C9orf78: variants seen among roughly 807,000 people sequenced by gnomAD.
C9orf78 encodes splicing factor C9orf78.
Under a neutral mutation model 37.4 loss-of-function variants are expected in C9orf78, and 19 were observed. The ratio of observed to expected loss-of-function variants is 0.51; its 90% CI spans 0.35 to 0.74. The LOEUF (loss-of-function observed/expected upper bound fraction) is 0.74, where lower values mean the gene tolerates loss of function less well. Among genes scored for constraint, C9orf78 ranks in the 30% least tolerant of loss-of-function variants. The probability of loss-of-function intolerance (pLI) is 0.01; values close to 1 mark genes in which losing one functional copy is unlikely to be tolerated. For missense variants in C9orf78, 291 were observed against 370.8 expected (o/e 0.78, Z 1.77); for synonymous variants, 130 against 128.0 (o/e 1.02, Z -0.10).
At chr9:129,830,639 A>C (rs1371084799) in intron 6 of C9orf78, 3 of 482,432 alleles carry the variant, frequency 6.2e-6, no homozygotes, top group African/African-American at 5.9e-5. Flanking sequence ...CAGCCTCCCA[A>C]GTAGCTGGAC....
chr9:129,834,826 G>T, intron 1 of C9orf78, 60 bp from the exon 2 acceptor site: 2 of 1,345,326 alleles, frequency 1.5e-6, no homozygotes, highest in Non-Finnish European at 2.1e-6. Context: ...GGAATCCAAA[G>T]CTAACAGAGC....
chr9:129,829,164 C>A lies in C9orf78; in HGVS notation c.778+41G>T, dbSNP rs532995748. On this transcript the variant is annotated intron_variant, in intron 8 of 8. Coordinates refer to ENST00000372447, the MANE Select transcript of C9orf78 (RefSeq NM_016520.3). ...CCTGCCTCCATGGGTTCCCACATTGCTGAGCACTCCAGGCAGCCCCGAGGC... is the reference window on the plus strand; with the variant it reads ...CCTGCCTCCATGGGTTCCCACATTGATGAGCACTCCAGGCAGCCCCGAGGC... The A allele has an allele frequency of 6.3e-6, 9 of 1,427,928 alleles. No individual in the cohort carries two copies. The South Asian group carries it at 9.2e-5, about 15-fold the overall frequency. The allele number at this position is 1,427,928 out of a possible 1,614,324, so 88.5% of individuals were successfully genotyped here.
rs930887779 is a variant in C9orf78, at chr9:129,831,151, G to A, written c.345-83C>T. ...TCTAAATCAGTGGTCCCCAACACTGGCCCGCAGACCAGTGACAGTCCATGG... is the reference window on the plus strand; with the variant it reads ...TCTAAATCAGTGGTCCCCAACACTGACCCGCAGACCAGTGACAGTCCATGG... On this transcript the variant is annotated intron_variant, in intron 5 of 8. Coordinates refer to ENST00000372447, the MANE Select transcript of C9orf78 (RefSeq NM_016520.3). 8 of 837,094 alleles carry A rather than the reference G, an allele frequency of 9.6e-6. No homozygotes were observed. In the African/African-American group the frequency reaches 1.3e-4, roughly 14 times the overall value. The allele number at this position is 837,094 out of a possible 1,614,324, so 51.9% of individuals were successfully genotyped here.
chr9:129,832,998 T>TATATGC (rs1491549502), intron 4 of C9orf78, among the ~76,000 whole-genome samples: 17 of 127,490 alleles, frequency 1.3e-4, no homozygotes, highest in African/African-American at 4.8e-4. Context: ...TATATATATA[T>TATATGC]GTGTGTGTGT....
intron 8 of C9orf78, 150 bp from the exon 9 acceptor site, chr9:129,828,402 C>T (rs1041752449): frequency 3.7e-5 from 19 of 507,326 alleles, no homozygotes; most frequent in African/African-American, 1.1e-4. Flanking sequence ...TCAGTAGATA[C>T]GTATTTGTCT....
intron 6 of C9orf78, 164 bp downstream of exon 6, chr9:129,830,707 C>T (rs760222555): frequency 2.3e-5 from 14 of 600,032 alleles, no homozygotes; most frequent in African/African-American, 5.6e-5. Context: ...AGACGGGGTT[C>T]GACCATCTTG....
chr9:129,833,889 C>A (rs966900144), intron 2 of C9orf78, 180 bp from the exon 3 acceptor site: 3 of 598,778 alleles, frequency 5.0e-6, no homozygotes, highest in Non-Finnish European at 8.9e-6. Context: ...ACGAGCACCG[C>A]AGATGCTGGA....
chr9:129,828,390 C>T (rs2031399856), intron 8 of C9orf78, 138 bp from the exon 9 acceptor site: 2 of 617,700 alleles, frequency 3.2e-6, no homozygotes, highest in Non-Finnish European at 5.9e-6. Flanking sequence ...CACAGTAGGG[C>T]CTCAGTAGAT....
intron 4 of C9orf78, 33 bp downstream of exon 4, chr9:129,833,414 G>A (rs2031562557): frequency 7.4e-7 from 1 of 1,351,990 alleles, no homozygotes; most frequent in South Asian, 1.2e-5. Flanking sequence ...GCCGCTAAAG[G>A]TGAATTTGCA....
At chr9:129,829,167 A>T in intron 8 of C9orf78, 38 bp downstream of exon 8, 1 of 1,442,936 alleles carries the variant, frequency 6.9e-7, no homozygotes, top group Non-Finnish European at 9.8e-7. Context: ...CACATTGCTG[A>T]GCACTCCAGG....
At chr9:129,833,909 C>T (rs1380043592) in intron 2 of C9orf78, 200 bp from the exon 3 acceptor site, 4 of 581,192 alleles carry the variant, frequency 6.9e-6, no homozygotes, top group African/African-American at 1.9e-5. Flanking sequence ...AAGAAGGGTG[C>T]GCTGGTGGTG....
chr9:129,834,224 G>C (rs961050004), intron 2 of C9orf78: 3 of 179,976 alleles, frequency 1.7e-5, no homozygotes, highest in African/African-American at 7.2e-5. Flanking sequence ...AAAGAACAGG[G>C]AATAAAAGTA....
intron 6 of C9orf78, 85 bp from the exon 7 acceptor site, chr9:129,829,626 G>A: frequency 8.2e-7 from 1 of 1,216,268 alleles, no homozygotes; most frequent in Non-Finnish European, 1.2e-6. Context: ...CAGCCCAGCA[G>A]TACATAAGAA....
rs553422756 is a variant in C9orf78 at position 129,835,230 on chromosome 9, C to G, written c.-9G>C. ...TTCCGGACGACCGGCATGGTGACAA[C>G]GGCCGAGTTGTACAGCCGCCGCGCC... On this transcript the variant is annotated 5_prime_UTR_variant, in exon 1 of 9. Coordinates refer to ENST00000372447, the MANE Select transcript of C9orf78 (RefSeq NM_016520.3). 5 of 1,602,548 alleles carry G rather than the reference C, an allele frequency of 3.1e-6. No individual in the cohort carries two copies. Among genetic ancestry groups the G allele is most frequent in the Non-Finnish European group, 4.3e-6 (5 of 1,175,038 alleles).
intron 2 of C9orf78, 157 bp from the exon 3 acceptor site, chr9:129,833,866 A>G: frequency 1.6e-6 from 1 of 622,344 alleles, no homozygotes; most frequent in Non-Finnish European, 2.8e-6. Flanking sequence ...CTATAAGCAT[A>G]AGACAGGGCT....
intron 4 of C9orf78, 117 bp from the exon 5 acceptor site, chr9:129,832,090 CAA>C (rs61391213): frequency 4.4e-3 from 1,964 of 444,814 alleles, no homozygotes; most frequent in South Asian, 5.9e-3. Flanking sequence ...TTACAGTTGG[CAA>C]AAAAAAAAAA....
Position 129,831,052 on chromosome 9 carries a change from T to C in C9orf78, c.361A>G (p.Thr121Ala), listed in dbSNP as rs201513483. 6.8e-6 allele frequency: 11 copies of C among 1,612,768 alleles called. No individual in the cohort carries two copies. The highest frequency in any genetic ancestry group is 9.3e-6 in the Non-Finnish European group (11 of 1,179,084). The change falls in exon 6 of 9, where the codon ACA becomes GCA. Residue 121 changes from threonine to alanine, a missense_variant. Transcript: ENST00000372447. ...ATCCCTTTCCTCTTCTTTAGCTCTG[T>C]CTCAATGTACTTCATCCTGAAGTGA... ...EDADMMKYIE[T>A]ELKKRKGIVE...
rs1048217525 is a variant in C9orf78, at chr9:129,835,122, C to A, written c.83+17G>T. ...TCTATCTTTACCAAGCCTATGGGAG[C>A]CCCGCCCCAAACGCACCGAACCTCC... On this transcript the variant is annotated intron_variant, in intron 1 of 8. Transcript: ENST00000372447. 3.8e-6 allele frequency: 6 copies of A among 1,593,394 alleles called. No homozygotes were observed. The highest frequency in any genetic ancestry group is 1.7e-5 in the Admixed American group (1 of 59,872).
intron 6 of C9orf78, chr9:129,830,561 TG>T (rs563413315): frequency 6.4e-5 from 22 of 346,348 alleles, no homozygotes; most frequent in Non-Finnish European, 1.2e-4. Context: ...GTCGCCAGAC[TG>T]GAGTGCAGTG....
Sources: gnomAD v4.1 joint callset for allele counts (sites outside exome capture counted in the v4.1 genomes callset) on GRCh38, gnomAD v4.1.1 for gene constraint, MANE v1.5 for transcripts, NCBI Gene and HGNC (gene_info 2026-07-23, HGNC 2026-07-21) for gene names.